Variants in CDH13 observed in about 807,000 individuals in gnomAD.
CDH13 encodes cadherin-13.
In CDH13, 24 loss-of-function variants were observed where a neutral mutation model predicts 63.8. That is an observed-to-expected ratio of 0.38 (90% confidence interval 0.27 to 0.53). The LOEUF is 0.53. Among genes scored for constraint, CDH13 ranks in the 20% least tolerant of loss-of-function variants. The probability of loss-of-function intolerance (pLI) is 0.85; values close to 1 mark genes in which losing one functional copy is unlikely to be tolerated. For synonymous variants in CDH13, 503 were observed against 355.3 expected (o/e 1.42, Z -4.67); for missense variants, 1,049 against 903.1 (o/e 1.16, Z -2.07).
At chr16:83,565,483 C>T (rs1904275002) in intron 7 of CDH13, among the ~76,000 whole-genome samples, 1 of 150,888 alleles carries the variant, frequency 6.6e-6, no homozygotes, top group Non-Finnish European at 1.5e-5. Context: ...TGATTCCACT[C>T]CTTGAGGACA....
intron 1 of CDH13, among the ~76,000 whole-genome samples, chr16:82,640,399 A>G (rs1307388826): frequency 6.6e-6 from 1 of 152,182 alleles, no homozygotes; most frequent in East Asian, 1.9e-4. Flanking sequence ...ATTTACGAAT[A>G]TGGCAACTAA....
chr16:82,669,049 C>T (rs140958879), intron 1 of CDH13, among the ~76,000 whole-genome samples: 25 of 152,272 alleles, frequency 1.6e-4, no homozygotes, highest in Admixed American at 5.2e-4. Context: ...AGTAAATTAG[C>T]GGGATCCACA....
chr16:83,775,515 C>G (rs1380496485), intron 11 of CDH13, among the ~76,000 whole-genome samples: 1 of 152,094 alleles, frequency 6.6e-6, no homozygotes, highest in Non-Finnish European at 1.5e-5. Flanking sequence ...AAATGGCTAC[C>G]ATGAGAACAT....
intron 4 of CDH13, among the ~76,000 whole-genome samples, chr16:83,205,861 C>T (rs961202254): frequency 3.9e-5 from 6 of 152,030 alleles, no homozygotes; most frequent in Non-Finnish European, 8.8e-5. Flanking sequence ...TCTCGGCATC[C>T]CAAAGTGTTA....
At chr16:83,243,376 G>C (rs536066045) in intron 5 of CDH13, among the ~76,000 whole-genome samples, 1 of 152,260 alleles carries the variant, frequency 6.6e-6, no homozygotes, top group Admixed American at 6.5e-5. Context: ...ACTTGTGCAG[G>C]AAATTTCCCT....
intron 3 of CDH13, among the ~76,000 whole-genome samples, chr16:83,072,274 C>G (rs567362481): frequency 4.0e-4 from 61 of 152,250 alleles, no homozygotes; most frequent in Admixed American, 9.2e-4. Context: ...CCAAGGTGTT[C>G]CAAAGATACT....
At chr16:82,770,669 A>G (rs192914393) in intron 1 of CDH13, among the ~76,000 whole-genome samples, 3 of 152,178 alleles carry the variant, frequency 2.0e-5, no homozygotes, top group African/African-American at 7.2e-5. Context: ...TTGGAGATAC[A>G]TATTTTAGTT....
intron 10 of CDH13, among the ~76,000 whole-genome samples, chr16:83,706,962 A>T (rs1417798595): frequency 1.3e-5 from 2 of 152,172 alleles, no homozygotes; most frequent in East Asian, 3.9e-4. Context: ...AGAGAGAGGC[A>T]CCATAATGGA....
intron 10 of CDH13, among the ~76,000 whole-genome samples, chr16:83,681,976 C>T (rs189368021): frequency 6.6e-6 from 1 of 152,312 alleles, no homozygotes; most frequent in East Asian, 1.9e-4. Context: ...TCCTCCTCCT[C>T]CTCCACAAAA....
intron 1 of CDH13, among the ~76,000 whole-genome samples, chr16:82,782,646 C>G (rs1438884246): frequency 6.6e-6 from 1 of 152,102 alleles, no homozygotes; most frequent in Non-Finnish European, 1.5e-5. Context: ...AAAATGCAGA[C>G]TTGAATTTAA....
intron 7 of CDH13, among the ~76,000 whole-genome samples, chr16:83,494,496 C>T (rs1422985984): frequency 6.6e-6 from 1 of 152,056 alleles, no homozygotes. Flanking sequence ...GATTTCAAAC[C>T]AGCAGAGAAA....
At chr16:83,315,162 A>G (rs1179952863) in intron 5 of CDH13, among the ~76,000 whole-genome samples, 1 of 152,230 alleles carries the variant, frequency 6.6e-6, no homozygotes, top group Non-Finnish European at 1.5e-5. Flanking sequence ...AATTGTGATC[A>G]TCATTTATCC....
At chr16:83,593,415 A>G (rs1332962962) in intron 7 of CDH13, among the ~76,000 whole-genome samples, 4 of 152,140 alleles carry the variant, frequency 2.6e-5, no homozygotes, top group South Asian at 2.1e-4. Context: ...TCTGTTTCCA[A>G]CTAAGTGCTT....
intron 6 of CDH13, among the ~76,000 whole-genome samples, chr16:83,412,559 A>C (rs893186010): frequency 6.6e-6 from 1 of 152,260 alleles, no homozygotes; most frequent in East Asian, 1.9e-4. Flanking sequence ...ATACTGATGC[A>C]GCCACCTCGA....
intron 3 of CDH13, among the ~76,000 whole-genome samples, chr16:83,060,868 C>G (rs2031479143): frequency 6.6e-6 from 1 of 152,178 alleles, no homozygotes; most frequent in African/African-American, 2.4e-5. Context: ...CTTTACTTCC[C>G]CTTAAACAAC....
chr16:83,377,077 C>T (rs1422231581), intron 6 of CDH13, among the ~76,000 whole-genome samples: 1 of 152,098 alleles, frequency 6.6e-6, no homozygotes, highest in African/African-American at 2.4e-5. Flanking sequence ...ACTCTCCAAC[C>T]CTGGCTGACC....
intron 1 of CDH13, among the ~76,000 whole-genome samples, chr16:82,840,967 T>C (rs964520686): frequency 6.6e-6 from 1 of 152,188 alleles, no homozygotes; most frequent in Non-Finnish European, 1.5e-5. Context: ...GAAAAGTCTG[T>C]ATGAAGACAT....
intron 2 of CDH13, among the ~76,000 whole-genome samples, chr16:82,888,721 A>G (rs1368372316): frequency 1.3e-5 from 2 of 152,240 alleles, no homozygotes; most frequent in Non-Finnish European, 2.9e-5. Context: ...TGCCTTGGAC[A>G]GCAGCCCTGA....
At chr16:83,652,351 C>T (rs761525995) in intron 8 of CDH13, among the ~76,000 whole-genome samples, 1 of 152,202 alleles carries the variant, frequency 6.6e-6, no homozygotes, top group Non-Finnish European at 1.5e-5. Flanking sequence ...CATCACGAGC[C>T]TAACCAAGTG....
Sources: gnomAD v4.1 joint callset for allele counts (sites outside exome capture counted in the v4.1 genomes callset) on GRCh38, gnomAD v4.1.1 for gene constraint, MANE v1.5 for transcripts, NCBI Gene and HGNC (gene_info 2026-07-23, HGNC 2026-07-21) for gene names.